Variants in FRYL observed in about 807,000 individuals in gnomAD.
FRYL encodes the protein protein furry homolog-like.
A neutral mutation model predicts 351.2 loss-of-function variants in FRYL; 150 were observed. That is an observed-to-expected ratio of 0.43 (90% confidence interval 0.37 to 0.49). The LOEUF (loss-of-function observed/expected upper bound fraction) is 0.49. Among genes scored for constraint, FRYL ranks in the 20% least tolerant of loss-of-function variants. The probability of loss-of-function intolerance (pLI) is 0.00; values close to 1 mark genes in which losing one functional copy is unlikely to be tolerated. For missense variants in FRYL, 3,036 were observed against 3,619.3 expected (o/e 0.84, Z 4.13); for synonymous variants, 1,153 against 1,257.1 (o/e 0.92, Z 1.75).
intron 48 of FRYL, 41 bp downstream of exon 48, chr4:48,535,604 CACACACACACAT>C (rs984482608): frequency 1.0e-5 from 11 of 1,092,946 alleles, no homozygotes; most frequent in East Asian, 2.8e-5. Context: ...CACACACACA[CACACACACACAT>C]ATATATATAG....
chr4:48,772,962 C>T (rs1261903999), intron 1 of FRYL, among the ~76,000 whole-genome samples: 5 of 152,126 alleles, frequency 3.3e-5, no homozygotes, highest in Admixed American at 6.5e-5. Flanking sequence ...TTGGTGAAAA[C>T]GTTCAGTTGA....
At chr4:48,773,303 G>T (rs1221853285) in intron 1 of FRYL, among the ~76,000 whole-genome samples, 2 of 152,132 alleles carry the variant, frequency 1.3e-5, no homozygotes, top group East Asian at 3.9e-4. Context: ...CTTATTAAGG[G>T]TCTACCAAGT....
At chr4:48,715,645 C>A (rs1768718565) in intron 1 of FRYL, among the ~76,000 whole-genome samples, 1 of 151,948 alleles carries the variant, frequency 6.6e-6, no homozygotes, top group South Asian at 2.1e-4. Context: ...AATGGAAGAA[C>A]ATTCCATGCT....
At chr4:48,508,074 G>A (rs1257761830) in intron 59 of FRYL, among the ~76,000 whole-genome samples, 1 of 152,178 alleles carries the variant, frequency 6.6e-6, no homozygotes, top group African/African-American at 2.4e-5. Context: ...TATAGTCTTT[G>A]TAACTATTTA....
In FRYL at chr4:48,741,825, T is replaced by C. The variant is rs1374987434; in HGVS notation, c.-383-31127A>G. Among the ~76,000 whole-genome samples, 3 of 152,270 alleles carry C rather than the reference T, an allele frequency of 2.0e-5. No homozygotes were observed. In the East Asian group the frequency reaches 5.8e-4, roughly 29 times the overall value. On this transcript the variant is annotated intron_variant, in intron 1 of 63. Transcript: ENST00000358350. The stretch of plus-strand genomic sequence containing the variant: ...CAACTCTATGACATTCCAGAAATGG[T>C]AAAACTATAGAGAGAATTAAAACAT...
At chr4:48,686,747 AGAC>A in intron 2 of FRYL, among the ~76,000 whole-genome samples, 1 of 152,358 alleles carries the variant, frequency 6.6e-6, no homozygotes, top group South Asian at 2.1e-4. Context: ...TCTTGCGCTC[AGAC>A]ATAGCAAGTG....
chr4:48,511,302 T>A (rs1251067292), intron 57 of FRYL, among the ~76,000 whole-genome samples: 1 of 152,208 alleles, frequency 6.6e-6, no homozygotes, highest in Non-Finnish European at 1.5e-5. Context: ...AGTCCTCACC[T>A]GTCTTGAGGA....
intron 53 of FRYL, 73 bp from the exon 54 acceptor site, chr4:48,523,177 A>C: frequency 1.0e-6 from 1 of 988,608 alleles, no homozygotes; most frequent in East Asian, 2.4e-5. Context: ...ATATACCAGA[A>C]AAACATATAC....
At chr4:48,628,607 T>C (rs1388201859) in intron 4 of FRYL, among the ~76,000 whole-genome samples, 2 of 152,098 alleles carry the variant, frequency 1.3e-5, no homozygotes, top group Non-Finnish European at 2.9e-5. Flanking sequence ...TAGTGTTCTA[T>C]ACCACTGCAG....
chr4:48,673,880 G>T lies in FRYL; in HGVS notation c.-81+10793C>A, dbSNP rs58730551. Reference sequence around the variant, plus strand: ...TCAGCTTATGTTCTATTTGATGTGGGGAATGGAACACATATGTACTAAATA... The same window carrying T: ...TCAGCTTATGTTCTATTTGATGTGGTGAATGGAACACATATGTACTAAATA... On this transcript the variant is annotated intron_variant, in intron 3 of 63. Coordinates refer to ENST00000358350, the MANE Select transcript of FRYL (RefSeq NM_015030.2). Among the ~76,000 whole-genome samples the T allele has an allele frequency of 7.0e-3, 1,060 of 152,220 alleles. 90 individuals are homozygous for T. The East Asian group carries it at 0.18, about 25-fold the overall frequency.
At chr4:48,761,113 C>G (rs1774379957) in intron 1 of FRYL, among the ~76,000 whole-genome samples, 1 of 151,802 alleles carries the variant, frequency 6.6e-6, no homozygotes, top group South Asian at 2.1e-4. Flanking sequence ...AAACCACTTT[C>G]TCCTTCTGTC....
chr4:48,499,754 C>T, intron 63 of FRYL, 74 bp from the exon 64 acceptor site: 2 of 1,314,350 alleles, frequency 1.5e-6, no homozygotes, highest in Non-Finnish European at 2.1e-6. Context: ...AAGTTAAATA[C>T]CTGTAACAAC....
chr4:48,589,806 C>G lies in FRYL; in HGVS notation c.1579G>C (p.Gly527Arg), dbSNP rs755152474. ...ACACTGGTCATACACATTGGTCTCC[C>G]AACTTCTTTGTCCAAATGTCTGAGG... The part of the protein sequence containing the change: ...SILRHLDKEV[G>R]RPMCMTSVQM... The change falls in exon 18 of 64, where the codon GGG becomes CGG. Residue 527 changes from glycine to arginine, a missense_variant. Physicochemically the swap from Gly to Arg is moderately radical, Grantham distance 125. Coordinates refer to ENST00000358350, the MANE Select transcript of FRYL (RefSeq NM_015030.2). 1.7e-5 allele frequency: 27 copies of G among 1,613,730 alleles called. No homozygotes were observed. Among genetic ancestry groups the G allele is most frequent in the Non-Finnish European group, 1.8e-5 (21 of 1,179,656 alleles).
Position 48,700,371 on chromosome 4 carries a change from A to G in FRYL, c.-204+10148T>C, listed in dbSNP as rs1258258555. 2.0e-5 allele frequency among the ~76,000 whole-genome samples: 3 copies of G among 152,224 alleles called. No homozygotes were observed. The East Asian group carries it at 5.8e-4, about 29-fold the overall frequency. On this transcript the variant is annotated intron_variant, in intron 2 of 63. Coordinates refer to ENST00000358350, the MANE Select transcript of FRYL (RefSeq NM_015030.2). ...CCCACCTCATCAGGTTTTTTTCACC[A>G]TCACTACTAGTTACATAAATCCTAC...
chr4:48,517,931 T>C (rs1320217490), intron 55 of FRYL, among the ~76,000 whole-genome samples: 3 of 152,242 alleles, frequency 2.0e-5, no homozygotes, highest in African/African-American at 7.2e-5. Flanking sequence ...TATTTCAATA[T>C]CTTGGTGCTT....
Position 48,567,391 on chromosome 4 carries a change from T to C in FRYL, c.3026A>G (p.His1009Arg). ...TTCCAATAAAGTGTTGTTGAGAAAA[T>C]GTGTTTCATTATCAAGGCCACCACT... ...SASGGLDNET[H>R]FLNNTLLEYV... Residue 1009 changes from histidine to arginine, a missense_variant, in exon 28 of 64, where the codon CAT (histidine) becomes CGT (arginine). Coordinates refer to ENST00000358350, the MANE Select transcript of FRYL (RefSeq NM_015030.2). This position sits in a 1 kb window ranked among gnomAD's most constrained non-coding sequence, Gnocchi z 4.2. 2 of 1,607,592 alleles carry C rather than the reference T, an allele frequency of 1.2e-6. No individual in the cohort carries two copies. Among genetic ancestry groups the C allele is most frequent in the Non-Finnish European group, 1.7e-6 (2 of 1,178,164 alleles).
At chr4:48,745,379 T>A (rs1273821722) in intron 1 of FRYL, among the ~76,000 whole-genome samples, 1 of 152,018 alleles carries the variant, frequency 6.6e-6, no homozygotes, top group Non-Finnish European at 1.5e-5. Flanking sequence ...ATAGACTGGA[T>A]TAAGAAAATG....
intron 1 of FRYL, among the ~76,000 whole-genome samples, chr4:48,723,895 A>G (rs1041365149): frequency 4.6e-5 from 7 of 151,090 alleles, no homozygotes; most frequent in African/African-American, 1.2e-4. Context: ...AGACCAGCCC[A>G]GGCAATATAG....
At chr4:48,620,353 C>G (rs1223674872) in intron 6 of FRYL, among the ~76,000 whole-genome samples, 2 of 152,166 alleles carry the variant, frequency 1.3e-5, no homozygotes, top group African/African-American at 4.8e-5. Context: ...TTAAAAGCTC[C>G]TCACTGAACT....
Sources: allele counts gnomAD v4.1 joint callset (sites outside exome capture counted in the v4.1 genomes callset), GRCh38; gene constraint gnomAD v4.1.1; non-coding constraint Gnocchi (gnomAD v3.1); transcripts MANE v1.5; gene names NCBI Gene and HGNC (gene_info 2026-07-23, HGNC 2026-07-21).